The following TCF20 variants were observed in gnomAD, a reference collection of about 807,000 sequenced individuals.
TCF20 encodes transcription factor 20.
TCF20 carries 3 observed loss-of-function variants against 148.6 expected under a neutral mutation model. That is an observed-to-expected ratio of 0.02 (90% CI 0.01 to 0.05). The LOEUF (loss-of-function observed/expected upper bound fraction) is 0.05. Ranked by LOEUF, TCF20 falls within the 10% of genes least tolerant of loss-of-function variation. The pLI is 1.00. For missense variants in TCF20, 2,350 were observed against 2,429.3 expected (o/e 0.97, Z 0.69); for synonymous variants, 1,049 against 909.5 (o/e 1.15, Z -2.76).
At chr22:42,291,483 G>C (rs553152134) in intron 1 of TCF20, among the ~76,000 whole-genome samples, 1 of 152,312 alleles carries the variant, frequency 6.6e-6, no homozygotes, top group South Asian at 2.1e-4. Flanking sequence ...GCTGCCCCTC[G>C]GCAAAGCAGC....
At chr22:42,319,311 T>A (rs1175035167) in intron 1 of TCF20, among the ~76,000 whole-genome samples, 3 of 152,076 alleles carry the variant, frequency 2.0e-5, no homozygotes, top group Non-Finnish European at 4.4e-5. Context: ...GGCATGGGGA[T>A]CTGGGGGCCA....
chr22:42,161,809 C>T (rs905137725), intron 5 of TCF20, among the ~76,000 whole-genome samples: 2 of 152,112 alleles, frequency 1.3e-5, no homozygotes, highest in African/African-American at 2.4e-5. Context: ...TTCACAGCTG[C>T]CTCTAGTCAA....
At chr22:42,267,782 A>G (rs995296952) in intron 1 of TCF20, among the ~76,000 whole-genome samples, 3 of 152,220 alleles carry the variant, frequency 2.0e-5, no homozygotes, top group African/African-American at 7.2e-5. Context: ...CTGTCTCCGA[A>G]GTCAATAATT....
chr22:42,270,793 CGCGTGCGGCGGCGTCGAGGCTG>C (rs1202882339), upstream of TCF20, among the ~76,000 whole-genome samples: 2 of 145,842 alleles, frequency 1.4e-5, no homozygotes, highest in African/African-American at 4.9e-5. Context: ...CGTGCCCACC[CGCGTGCGGCGGCGTCGAGGCTG>C]GCGCGCGCCG....
chr22:42,238,512 A>G (rs1253339050), intron 1 of TCF20, among the ~76,000 whole-genome samples: 2 of 152,222 alleles, frequency 1.3e-5, no homozygotes, highest in Non-Finnish European at 2.9e-5. Context: ...GTTTGGTGCA[A>G]TAGGCCTAGT....
chr22:42,179,193 T>C (rs560266250), intron 3 of TCF20, among the ~76,000 whole-genome samples: 6 of 152,080 alleles, frequency 3.9e-5, no homozygotes, highest in Non-Finnish European at 7.4e-5. Flanking sequence ...AGAGTTACCA[T>C]ATGATCCAGC....
chr22:42,235,726 C>A (rs1923825929), intron 1 of TCF20, among the ~76,000 whole-genome samples: 4 of 152,092 alleles, frequency 2.6e-5, no homozygotes, highest in Admixed American at 2.6e-4. Context: ...GTTATTTAAC[C>A]CATATGTCTC....
rs146455648 is a variant in TCF20 at position 42,212,186 on chromosome 22, T to C, written c.3120A>G (p.Ser1040=). Residue 1040 remains serine, a synonymous_variant, in exon 2 of 6, where the codon TCA becomes TCG. Transcript: ENST00000677622. ...GTAAAGAACTCCGGTTAGCCCTCTCTGAAAAGGTCATGTGTGGATTCATGT... is the reference window on the plus strand; with the variant it reads ...GTAAAGAACTCCGGTTAGCCCTCTCCGAAAAGGTCATGTGTGGATTCATGT... ...PHHMNPHMTF[S]ERANRSSLHT... 3.2e-5 allele frequency: 52 copies of C among 1,614,244 alleles called. No homozygotes were observed. The highest frequency in any genetic ancestry group is 1.1e-4 in the South Asian group (10 of 91,086).
chr22:42,200,295 TCCTTGACCTCTG>T (rs1006739851), intron 2 of TCF20, among the ~76,000 whole-genome samples: 1 of 152,168 alleles, frequency 6.6e-6, no homozygotes, highest in Non-Finnish European at 1.5e-5. Context: ...CTCAACTTCA[TCCTTGACCTCTG>T]CCTCCTCACT....
intron 1 of TCF20, chr22:42,270,089 C>G (rs952770148): frequency 6.5e-6 from 1 of 152,800 alleles, no homozygotes; most frequent in East Asian, 1.9e-4. Flanking sequence ...AACCCCGGGC[C>G]GGCCCAAGAC....
At chr22:42,261,088 T>G (rs1926004794) in intron 1 of TCF20, among the ~76,000 whole-genome samples, 2 of 152,226 alleles carry the variant, frequency 1.3e-5, no homozygotes, top group Admixed American at 1.3e-4. Context: ...TTCTGGAATG[T>G]CCATTAAGTG....
At chr22:42,324,064 GAGGTTA>G (rs1927812865) in intron 1 of TCF20, among the ~76,000 whole-genome samples, 1 of 147,042 alleles carries the variant, frequency 6.8e-6, no homozygotes, top group Non-Finnish European at 1.5e-5. Flanking sequence ...GGTGGTGATG[GAGGTTA>G]TGGTGGTGGT....
At chr22:42,168,529 T>C (rs746892391) in intron 5 of TCF20, 80 bp downstream of exon 5, 265 of 1,516,802 alleles carry the variant, frequency 1.7e-4, no homozygotes, top group Middle Eastern at 7.0e-4. Context: ...TGGCAGAGCA[T>C]AGAGCGAGCA....
At chr22:42,184,029 A>T (rs1936922523) in intron 2 of TCF20, among the ~76,000 whole-genome samples, 1 of 152,118 alleles carries the variant, frequency 6.6e-6, no homozygotes, top group African/African-American at 2.4e-5. Flanking sequence ...TCAGCCTCTC[A>T]AAGTGCTGGG....
intron 1 of TCF20, among the ~76,000 whole-genome samples, chr22:42,255,873 C>A (rs1925714065): frequency 2.0e-5 from 3 of 152,198 alleles, no homozygotes. Flanking sequence ...GCCCCAGGTT[C>A]AAAGCTATTC....
chr22:42,316,599 G>A (rs909595854), intron 1 of TCF20, among the ~76,000 whole-genome samples: 1 of 152,166 alleles, frequency 6.6e-6, no homozygotes, highest in Admixed American at 6.5e-5. Context: ...CACCACGCCC[G>A]GCTGATTTTT....
chr22:42,161,451 G>A (rs1601496093), intron 5 of TCF20, 93 bp from the exon 6 acceptor site: 2 of 1,565,966 alleles, frequency 1.3e-6, no homozygotes, highest in East Asian at 4.5e-5. Flanking sequence ...GGAGCTTTCA[G>A]CAGGGAGCCT....
intron 3 of TCF20, among the ~76,000 whole-genome samples, chr22:42,173,390 G>A (rs1936252937): frequency 6.6e-6 from 1 of 152,074 alleles, no homozygotes; most frequent in Admixed American, 6.6e-5. Flanking sequence ...GGGGGGGAAG[G>A]TGGCAGGAGT....
chr22:42,167,304 G>A (rs924976484), intron 5 of TCF20, among the ~76,000 whole-genome samples: 1 of 152,188 alleles, frequency 6.6e-6, no homozygotes, highest in Non-Finnish European at 1.5e-5. Context: ...GCCTTCTCCG[G>A]AAATTAGTAG....
Sources: gnomAD v4.1 joint callset for allele counts (sites outside exome capture counted in the v4.1 genomes callset) on GRCh38, gnomAD v4.1.1 for gene constraint, MANE v1.5 for transcripts, NCBI Gene and HGNC (gene_info 2026-07-23, HGNC 2026-07-21) for gene names.